Variants in SPRED1 observed in about 807,000 individuals in gnomAD.
The protein encoded by SPRED1 is sprouty related EVH1 domain containing 1.
A neutral mutation model predicts 52.3 loss-of-function variants in SPRED1; 18 were observed. The observed-to-expected ratio is 0.34, with a 90% confidence interval of 0.24 to 0.51. The LOEUF (loss-of-function observed/expected upper bound fraction) is 0.51. Among genes scored for constraint, SPRED1 ranks in the 20% least tolerant of loss-of-function variants. The pLI is 0.97. For synonymous variants in SPRED1, 155 were observed against 179.7 expected (o/e 0.86, Z 1.10); for missense variants, 485 against 551.0 (o/e 0.88, Z 1.20).
chr15:38,333,976 A>T (rs1195646063), intron 4 of SPRED1, among the ~76,000 whole-genome samples: 1 of 152,098 alleles, frequency 6.6e-6, no homozygotes, highest in East Asian at 1.9e-4. Flanking sequence ...GAGTAGGTTG[A>T]TAATACTATG....
chr15:38,285,051 T>A (rs1378856502), intron 1 of SPRED1, among the ~76,000 whole-genome samples: 1 of 152,118 alleles, frequency 6.6e-6, no homozygotes, highest in Admixed American at 6.6e-5. Flanking sequence ...GATCTATTTT[T>A]TTTAAATATA....
At chr15:38,299,599 T>A in intron 2 of SPRED1, 52 bp downstream of exon 2, 1 of 1,533,056 alleles carries the variant, frequency 6.5e-7, no homozygotes. Flanking sequence ...ATTATCTGTT[T>A]AAAGTTATGA....
At chr15:38,296,220 G>T (rs1032957097) in intron 1 of SPRED1, among the ~76,000 whole-genome samples, 10 of 152,054 alleles carry the variant, frequency 6.6e-5, no homozygotes, top group African/African-American at 9.7e-5. Context: ...AGATAGTTCT[G>T]TAAGGGAGAA....
rs66511254 is a variant in SPRED1, at chr15:38,293,099, C to CTTTTTTTTTTTTTTTTTTTT, written c.33-6255_33-6254insTTTTTTTTTTTTTTTTTTTT. ...TTAAGTAATTTACCCAAGATTACAA[C>CTTTTTTTTTTTTTTTTTTTT]TTTTTTTTTTTTTTTTTTTGAGACG... On this transcript the variant is annotated intron_variant, in intron 1 of 6. Transcript: ENST00000299084. Among the ~76,000 whole-genome samples the CTTTTTTTTTTTTTTTTTTTT allele has an allele frequency of 9.9e-5, 9 of 90,724 alleles. 1 individual carries two copies. Among genetic ancestry groups the CTTTTTTTTTTTTTTTTTTTT allele is most frequent in the Non-Finnish European group, 1.6e-4 (8 of 50,278 alleles). The allele number at this position is 90,724 out of a possible 152,430, so 59.5% of individuals were successfully genotyped here. A position where few individuals can be genotyped will look rare whatever the true frequency, so the allele number is the denominator to read the frequency against.
At chr15:38,309,231 C>T (rs536188513) in intron 2 of SPRED1, among the ~76,000 whole-genome samples, 1 of 152,306 alleles carries the variant, frequency 6.6e-6, no homozygotes, top group East Asian at 1.9e-4. Flanking sequence ...ACCTCTGCCT[C>T]CCGGGTTCAA....
At chr15:38,266,979 T>G (rs1335200138) in intron 1 of SPRED1, among the ~76,000 whole-genome samples, 3 of 152,206 alleles carry the variant, frequency 2.0e-5, no homozygotes, top group Non-Finnish European at 4.4e-5. Context: ...GATCATCCAA[T>G]TTTTGCATTT....
intron 1 of SPRED1, among the ~76,000 whole-genome samples, chr15:38,264,304 C>T (rs1338629989): frequency 1.3e-5 from 2 of 152,128 alleles, no homozygotes; most frequent in East Asian, 3.8e-4. Flanking sequence ...CCACACTGTA[C>T]GTCATATACT....
chr15:38,336,379 A>AGTGTGTGT (rs2141004915), intron 4 of SPRED1, among the ~76,000 whole-genome samples: 1 of 24,406 alleles, frequency 4.1e-5, no homozygotes, highest in African/African-American at 1.1e-4. Context: ...GGATAAAGAA[A>AGTGTGTGT]ATGTGTGTGT....
intron 1 of SPRED1, among the ~76,000 whole-genome samples, chr15:38,296,336 TAATC>T (rs1362796855): frequency 6.6e-6 from 1 of 152,196 alleles, no homozygotes; most frequent in Non-Finnish European, 1.5e-5. Context: ...ATTTGATTGT[TAATC>T]AAATTACAAA....
intron 1 of SPRED1, among the ~76,000 whole-genome samples, chr15:38,267,632 T>C (rs986906268): frequency 6.6e-6 from 1 of 152,228 alleles, no homozygotes; most frequent in African/African-American, 2.4e-5. Context: ...AGTAACAGCA[T>C]TGGCCTAAAA....
intron 1 of SPRED1, among the ~76,000 whole-genome samples, chr15:38,273,239 T>A (rs1041579704): frequency 6.6e-6 from 1 of 152,194 alleles, no homozygotes; most frequent in East Asian, 1.9e-4. Context: ...TGCAGAAGAA[T>A]GAAACTGGAC....
intron 1 of SPRED1, among the ~76,000 whole-genome samples, chr15:38,291,148 C>G (rs911585857): frequency 1.6e-4 from 24 of 152,172 alleles, no homozygotes; most frequent in African/African-American, 5.6e-4. Context: ...AAAGGGGATA[C>G]AGGGCCCATG....
At chr15:38,287,768 C>T (rs191873205) in intron 1 of SPRED1, among the ~76,000 whole-genome samples, 6 of 152,262 alleles carry the variant, frequency 3.9e-5, no homozygotes, top group Middle Eastern at 3.4e-3. Flanking sequence ...AGGCTGTATG[C>T]AAGTATTTTG....
intron 3 of SPRED1, among the ~76,000 whole-genome samples, chr15:38,323,775 T>C (rs768413241): frequency 2.0e-4 from 31 of 152,198 alleles, no homozygotes; most frequent in Non-Finnish European, 4.1e-4. Context: ...ACCAGTGCTT[T>C]AAAGAGAGAG....
intron 3 of SPRED1, among the ~76,000 whole-genome samples, chr15:38,323,658 T>A (rs1895649513): frequency 2.0e-5 from 3 of 152,088 alleles, no homozygotes; most frequent in African/African-American, 7.2e-5. Flanking sequence ...GTTCTGTGCC[T>A]CATTCCACAG....
At chr15:38,343,546 C>T (rs529060534) in intron 5 of SPRED1, among the ~76,000 whole-genome samples, 17 of 152,240 alleles carry the variant, frequency 1.1e-4, no homozygotes, top group Admixed American at 8.5e-4. Flanking sequence ...TTGATTAATT[C>T]GGCATTGTGG....
At chr15:38,266,368 G>A (rs1327682806) in intron 1 of SPRED1, among the ~76,000 whole-genome samples, 2 of 152,132 alleles carry the variant, frequency 1.3e-5, no homozygotes, top group Non-Finnish European at 2.9e-5. Flanking sequence ...GGCCAGGCAC[G>A]GTGGCTCATG....
chr15:38,317,944 A>G (rs1895523301), intron 2 of SPRED1, among the ~76,000 whole-genome samples: 1 of 151,886 alleles, frequency 6.6e-6, no homozygotes, highest in Non-Finnish European at 1.5e-5. Flanking sequence ...ACAAAATGCT[A>G]CTTAAAGTCA....
At position 38,309,902 on chromosome 15, in the gene SPRED1, AT is replaced by A. The variant is rs772490692; in HGVS notation, c.207+10358del. The stretch of plus-strand genomic sequence containing the variant: ...TTCTCATTAAAAATCAGGTAAGCAT[AT>A]TTGTGTTCTTTATTATGTTCCATTT... On this transcript the variant is annotated intron_variant, in intron 2 of 6. Coordinates refer to ENST00000299084, the MANE Select transcript of SPRED1 (RefSeq NM_152594.3). Among the ~76,000 whole-genome samples, 59 of 152,066 alleles carry A rather than the reference AT, an allele frequency of 3.9e-4. 1 individual carries two copies. The highest frequency in any genetic ancestry group is 1.6e-4 in the Non-Finnish European group (11 of 67,976).
Sources: allele counts gnomAD v4.1 joint callset (sites outside exome capture counted in the v4.1 genomes callset), GRCh38; gene constraint gnomAD v4.1.1; transcripts MANE v1.5; gene names NCBI Gene and HGNC (gene_info 2026-07-23, HGNC 2026-07-21).